The following RAVER2 variants were observed in gnomAD, a reference collection of about 807,000 sequenced individuals.
The protein encoded by RAVER2 is ribonucleoprotein PTB-binding 2.
A neutral mutation model predicts 78.1 loss-of-function variants in RAVER2; 46 were observed. The ratio of observed to expected loss-of-function variants is 0.59; its 90% CI spans 0.46 to 0.75. The LOEUF (loss-of-function observed/expected upper bound fraction) is 0.75. RAVER2 is among the 30% of genes least tolerant of loss of function. The probability of loss-of-function intolerance (pLI) is 0.00; values close to 1 mark genes in which losing one functional copy is unlikely to be tolerated. For missense variants in RAVER2, 793 were observed against 837.5 expected (o/e 0.95, Z 0.66); for synonymous variants, 311 against 313.3 (o/e 0.99, Z 0.08).
intron 4 of RAVER2, among the ~76,000 whole-genome samples, chr1:64,782,965 G>A (rs1444276001): frequency 6.6e-6 from 1 of 152,138 alleles, no homozygotes; most frequent in Non-Finnish European, 1.5e-5. Flanking sequence ...CCACCTATGA[G>A]TGAGAACATG....
At chr1:64,806,786 A>C (rs925020313) in intron 8 of RAVER2, among the ~76,000 whole-genome samples, 1 of 152,176 alleles carries the variant, frequency 6.6e-6, no homozygotes, top group Non-Finnish European at 1.5e-5. Flanking sequence ...AATTTCAGAT[A>C]ACTTTTTAAA....
intron 9 of RAVER2, among the ~76,000 whole-genome samples, chr1:64,811,566 T>G (rs936594988): frequency 3.3e-4 from 50 of 152,342 alleles, no homozygotes; most frequent in African/African-American, 1.2e-3. Flanking sequence ...AGATCCATAT[T>G]GTAAACAAAT....
chr1:64,747,490 GT>G (rs1246788557), intron 1 of RAVER2, among the ~76,000 whole-genome samples: 1 of 150,876 alleles, frequency 6.6e-6, no homozygotes, highest in Non-Finnish European at 1.5e-5. Context: ...AAGAGACTGT[GT>G]TTATTCATTC....
In RAVER2 at chr1:64,795,462, T is replaced by C. The variant is rs183837635; in HGVS notation, c.1105+5948T>C. Among the ~76,000 whole-genome samples the C allele has an allele frequency of 1.9e-3, 296 of 152,234 alleles. 3 individuals are homozygous for C. The highest frequency in any genetic ancestry group is 0.017 in the Admixed American group (264 of 15,296). On this transcript the variant is annotated intron_variant, in intron 5 of 11. Transcript: ENST00000294428. ...TAAGTATGGTATATCTTTTCAATTATTTTGAGGTCATATTTAATTTCTCCC... is the reference window on the plus strand; with the variant it reads ...TAAGTATGGTATATCTTTTCAATTACTTTGAGGTCATATTTAATTTCTCCC...
At chr1:64,752,819 T>C (rs879542173) in intron 1 of RAVER2, among the ~76,000 whole-genome samples, 1 of 152,248 alleles carries the variant, frequency 6.6e-6, no homozygotes, top group African/African-American at 2.4e-5. Flanking sequence ...TGTTTGGTTG[T>C]TAAAGTAAGT....
Position 64,793,729 on chromosome 1 carries a change from T to C in RAVER2, c.1105+4215T>C, listed in dbSNP as rs1355162337. 2.0e-5 allele frequency among the ~76,000 whole-genome samples: 3 copies of C among 152,166 alleles called. No homozygotes were observed. The South Asian group carries it at 6.2e-4, about 32-fold the overall frequency. On this transcript the variant is annotated intron_variant, in intron 5 of 11. Coordinates refer to ENST00000294428, the Ensembl canonical transcript of RAVER2. The stretch of plus-strand genomic sequence containing the variant: ...TTGTCCATTTGTAATCCATCCCCTA[T>C]CCTGTCCCCAGGAAACCACTGATCT...
At chr1:64,780,684 G>A (rs554407488) in intron 3 of RAVER2, among the ~76,000 whole-genome samples, 1 of 152,204 alleles carries the variant, frequency 6.6e-6, no homozygotes, top group Non-Finnish European at 1.5e-5. Flanking sequence ...GTCTTATCTT[G>A]TTCTTATTTT....
intron 11 of RAVER2, chr1:64,815,655 C>G (rs2100890904): frequency 6.6e-6 from 1 of 152,250 alleles, no homozygotes; most frequent in Non-Finnish European, 1.5e-5. Context: ...CTTTGATTTC[C>G]CTGGAGCAGC....
chr1:64,773,707 A>G (rs1425786827), intron 2 of RAVER2, among the ~76,000 whole-genome samples: 2 of 152,192 alleles, frequency 1.3e-5, no homozygotes, highest in Non-Finnish European at 2.9e-5. Context: ...GTAATGGGAT[A>G]GCTAGGTTAA....
At chr1:64,822,722 C>G (rs1653917584) in intron 11 of RAVER2, among the ~76,000 whole-genome samples, 1 of 152,112 alleles carries the variant, frequency 6.6e-6, no homozygotes, top group Admixed American at 6.5e-5. Context: ...TGTCTGTACA[C>G]AAATGTGTAC....
chr1:64,756,859 T>C (rs1411880599), intron 1 of RAVER2, among the ~76,000 whole-genome samples: 1 of 152,212 alleles, frequency 6.6e-6, no homozygotes, highest in Non-Finnish European at 1.5e-5. Context: ...TCTTTTAGAA[T>C]GTCTCTTAAT....
chr1:64,812,429 G>C (rs548362949), intron 9 of RAVER2, among the ~76,000 whole-genome samples: 39 of 150,662 alleles, frequency 2.6e-4, no homozygotes, highest in Non-Finnish European at 5.0e-4. Flanking sequence ...ATAGATAACA[G>C]TGTTTCTGGA....
chr1:64,825,143 G>A (rs1653979074), intron 11 of RAVER2, among the ~76,000 whole-genome samples: 1 of 151,930 alleles, frequency 6.6e-6, no homozygotes, highest in Non-Finnish European at 1.5e-5. Context: ...ACAGAATGAA[G>A]CATATTGATT....
At chr1:64,827,787 C>CA (rs1390336345) in intron 11 of RAVER2, among the ~76,000 whole-genome samples, 2 of 152,188 alleles carry the variant, frequency 1.3e-5, no homozygotes. Flanking sequence ...GGGACAAGTT[C>CA]AATAGCCTCC....
intron 5 of RAVER2, among the ~76,000 whole-genome samples, chr1:64,790,768 C>G (rs12137795): frequency 0.13 from 19,315 of 152,194 alleles, 1,492 homozygotes; most frequent in Admixed American, 0.22. Context: ...TTTAAGTTTA[C>G]AGCAAATATG....
intron 4 of RAVER2, among the ~76,000 whole-genome samples, chr1:64,783,075 G>A (rs1264288078): frequency 1.3e-5 from 2 of 152,084 alleles, no homozygotes; most frequent in African/African-American, 4.8e-5. Context: ...CTTTTTTATG[G>A]CTGCGTAGTA....
exon 5 of RAVER2, chr1:64,789,438 T>C (rs984331050): frequency 2.5e-6 from 4 of 1,610,100 alleles, no homozygotes; most frequent in Non-Finnish European, 2.5e-6. Flanking sequence ...CAGTACAAAT[T>C]ATGAAAAGTT....
chr1:64,797,405 G>A (rs569961928), intron 5 of RAVER2, among the ~76,000 whole-genome samples: 1 of 152,256 alleles, frequency 6.6e-6, no homozygotes, highest in African/African-American at 2.4e-5. Flanking sequence ...TGTTGTTTCT[G>A]TTGTTGTTAT....
At chr1:64,807,314 C>G (rs761248241) in exon 9 of RAVER2, 1 of 1,614,072 alleles carries the variant, frequency 6.2e-7, no homozygotes, top group Non-Finnish European at 8.5e-7. Context: ...CACAGTAATA[C>G]TCAGGAGAAA....
Sources: allele counts gnomAD v4.1 joint callset (sites outside exome capture counted in the v4.1 genomes callset), GRCh38; gene constraint gnomAD v4.1.1; transcripts MANE v1.5; gene names NCBI Gene and HGNC (gene_info 2026-07-23, HGNC 2026-07-21).